MRC1: variants seen among roughly 807,000 people sequenced by gnomAD.
MRC1 encodes the protein mannose receptor C-type 1.
Under a neutral mutation model 102.9 loss-of-function variants are expected in MRC1, and 62 were observed. The ratio of observed to expected loss-of-function variants is 0.60; its 90% CI spans 0.49 to 0.74. The LOEUF (loss-of-function observed/expected upper bound fraction) is 0.74. MRC1 is among the 30% of genes least tolerant of loss of function. The probability of loss-of-function intolerance (pLI) is 0.00; values close to 1 mark genes in which losing one functional copy is unlikely to be tolerated. For missense variants in MRC1, 1,237 were observed against 862.8 expected (o/e 1.43, Z -5.43); for synonymous variants, 457 against 298.4 (o/e 1.53, Z -5.48).
At chr10:17,909,656 G>C (rs1240626806) in intron 29 of MRC1, among the ~76,000 whole-genome samples, 1 of 145,584 alleles carries the variant, frequency 6.9e-6, no homozygotes, top group Non-Finnish European at 1.5e-5. Flanking sequence ...TCTTTTCTTA[G>C]AATTTTTTTT....
chr10:17,902,201 A>G, intron 26 of MRC1, 79 bp downstream of exon 26: 1 of 685,954 alleles, frequency 1.5e-6, no homozygotes. Context: ...GAAATATACA[A>G]AGAATGTAAA....
At chr10:17,864,780 G>C (rs1298018584) in intron 11 of MRC1, among the ~76,000 whole-genome samples, 1 of 140,674 alleles carries the variant, frequency 7.1e-6, no homozygotes, top group East Asian at 2.2e-4. Context: ...AGTGAGTCGA[G>C]ATTGTGCCAT....
intron 5 of MRC1, among the ~76,000 whole-genome samples, chr10:17,844,653 A>G (rs1249472499): frequency 2.0e-5 from 3 of 152,170 alleles, no homozygotes; most frequent in African/African-American, 7.2e-5. Context: ...GAGGTTTGGG[A>G]TATAAATGAT....
At chr10:17,840,913 A>C in intron 5 of MRC1, 107 bp downstream of exon 5, 2 of 769,156 alleles carry the variant, frequency 2.6e-6, no homozygotes, top group East Asian at 4.9e-5. Flanking sequence ...GAATTGGGAG[A>C]CTTCATCAAA....
chr10:17,909,283 A>ATT, intron 28 of MRC1, 23 bp from the exon 29 acceptor site: 2 of 842,860 alleles, frequency 2.4e-6, no homozygotes, highest in African/African-American at 1.7e-5. Context: ...GGTTTTTATA[A>ATT]ATTTTTTTTT....
chr10:17,833,116 T>G (rs974126600), intron 3 of MRC1, among the ~76,000 whole-genome samples: 2 of 151,876 alleles, frequency 1.3e-5, no homozygotes, highest in African/African-American at 4.8e-5. Flanking sequence ...GTGCCTGCCT[T>G]TCTTTCTTTA....
At chr10:17,853,377 T>C (rs1266068895) in intron 8 of MRC1, among the ~76,000 whole-genome samples, 1 of 152,152 alleles carries the variant, frequency 6.6e-6, no homozygotes, top group Non-Finnish European at 1.5e-5. Flanking sequence ...CTGTAATGAA[T>C]ACTCATATTG....
chr10:17,841,909 A>C (rs1164132655), intron 5 of MRC1, among the ~76,000 whole-genome samples: 1 of 152,130 alleles, frequency 6.6e-6, no homozygotes, highest in African/African-American at 2.4e-5. Context: ...TTTTAAAGCC[A>C]TTGAGTGGTT....
chr10:17,907,710 G>A lies in MRC1; in HGVS notation c.4078+12G>A. On this transcript the variant is annotated intron_variant, in intron 28 of 29. Coordinates refer to ENST00000569591, the MANE Select transcript of MRC1 (RefSeq NM_002438.4). ...TAAAAGACCAAAAAGTAAGTAAGAA[G>A]TTTGTTGCATGGTGCATATCACTGG... 3.8e-6 allele frequency: 3 copies of A among 780,758 alleles called. No individual in the cohort carries two copies. The highest frequency in any genetic ancestry group is 2.4e-6 in the Non-Finnish European group (1 of 417,908). The allele number at this position is 780,758 out of a possible 1,614,324, so 48.4% of individuals were successfully genotyped here. A position where few individuals can be genotyped will look rare whatever the true frequency, so the allele number is the denominator to read the frequency against.
intron 9 of MRC1, among the ~76,000 whole-genome samples, chr10:17,857,672 C>T (rs1361373310): frequency 2.6e-5 from 4 of 152,192 alleles, no homozygotes; most frequent in Admixed American, 2.6e-4. Context: ...TGAGGCAGTG[C>T]TTTCCTTACC....
intron 4 of MRC1, among the ~76,000 whole-genome samples, chr10:17,834,473 C>T (rs1031690865): frequency 1.3e-4 from 20 of 152,240 alleles, no homozygotes; most frequent in Admixed American, 3.3e-4. Flanking sequence ...AGTGCAATGA[C>T]GCAATCTCAG....
In MRC1 at chr10:17,875,180, C is replaced by A. The variant is rs984029991; in HGVS notation, c.2477C>A (p.Ala826Glu). 5.1e-6 allele frequency: 4 copies of A among 780,780 alleles called. No individual in the cohort carries two copies. The South Asian group carries it at 5.4e-5, about 10-fold the overall frequency. 48.4% of individuals were successfully genotyped at this position (780,780 alleles called of 1,614,324 possible). The change falls in exon 17 of 30, where the codon GCG becomes GAG. Residue 826 changes from alanine to glutamate, a missense_variant. Physicochemically the swap from Ala to Glu is moderately radical, Grantham distance 107 (BLOSUM62 -1). Coordinates refer to ENST00000569591, the MANE Select transcript of MRC1 (RefSeq NM_002438.4). ...AAGGAAACCATGGACAATGCGCGAG[C>A]GTTTTGCAAGAGGAATTTTGGTGAT... ...KEKETMDNAR[A>E]FCKRNFGDLV...
At chr10:17,828,569 A>T (rs1448487234) in intron 3 of MRC1, among the ~76,000 whole-genome samples, 1 of 151,508 alleles carries the variant, frequency 6.6e-6, no homozygotes, top group Non-Finnish European at 1.5e-5. Flanking sequence ...ATGGAGAAAG[A>T]CGTGAAGGTC....
chr10:17,833,879 T>TTA, intron 4 of MRC1, 40 bp downstream of exon 4: 1 of 778,000 alleles, frequency 1.3e-6, no homozygotes, highest in South Asian at 1.3e-5. Flanking sequence ...CATGACTGCT[T>TTA]TATTTTTATA....
intron 10 of MRC1, among the ~76,000 whole-genome samples, chr10:17,863,235 A>C (rs967511199): frequency 1.9e-4 from 29 of 152,322 alleles, no homozygotes; most frequent in African/African-American, 6.7e-4. Flanking sequence ...TGTATTCTCA[A>C]AATTCTCTGA....
intron 10 of MRC1, among the ~76,000 whole-genome samples, chr10:17,861,845 T>A (rs2130661379): frequency 6.6e-6 from 1 of 152,276 alleles, no homozygotes; most frequent in South Asian, 2.1e-4. Context: ...TCACGTTATA[T>A]CTTTACCACT....
At chr10:17,897,207 A>C (rs1564626083) in intron 23 of MRC1, among the ~76,000 whole-genome samples, 1 of 152,342 alleles carries the variant, frequency 6.6e-6, no homozygotes, top group Non-Finnish European at 1.5e-5. Flanking sequence ...GTCAGATTTC[A>C]TCCTCTGGCT....
Position 17,910,645 on chromosome 10 carries a change from T to G in MRC1, c.*180T>G. 1 of 666,706 alleles carries G rather than the reference T, an allele frequency of 1.5e-6. No individual in the cohort carries two copies. Among genetic ancestry groups the G allele is most frequent in the East Asian group, 2.5e-5 (1 of 39,572 alleles). 41.3% of individuals were successfully genotyped at this position (666,706 alleles called of 1,614,324 possible). A position where few individuals can be genotyped will look rare whatever the true frequency, so the allele number is the denominator to read the frequency against. ...TTTCTAGCCTGGCAAGATATTTTCA[T>G]AAAAGAGGGATAACAATGCTGATTA... On this transcript the variant is annotated 3_prime_UTR_variant, in exon 30 of 30. Coordinates refer to ENST00000569591, the MANE Select transcript of MRC1 (RefSeq NM_002438.4).
chr10:17,849,567 T>G lies in MRC1; in HGVS notation c.1064-12T>G. 1.3e-6 allele frequency: 1 copy of G among 778,024 alleles called. No homozygotes were observed. The highest frequency in any genetic ancestry group is 2.4e-6 in the Non-Finnish European group (1 of 417,038). 48.2% of individuals were successfully genotyped at this position (778,024 alleles called of 1,614,324 possible). A position where few individuals can be genotyped will look rare whatever the true frequency, so the allele number is the denominator to read the frequency against. On this transcript the variant is annotated splice_polypyrimidine_tract_variant and intron_variant, in intron 6 of 29. Coordinates refer to ENST00000569591, the MANE Select transcript of MRC1 (RefSeq NM_002438.4). Reference sequence around the variant, plus strand: ...TTTAAAATTTTTTTCCGACCCCCCTTTTTGTTTCTAGAAAGTGATGTGCCT... The same window carrying G: ...TTTAAAATTTTTTTCCGACCCCCCTGTTTGTTTCTAGAAAGTGATGTGCCT...
Sources: gnomAD v4.1 joint callset for allele counts (sites outside exome capture counted in the v4.1 genomes callset) on GRCh38, gnomAD v4.1.1 for gene constraint, MANE v1.5 for transcripts, NCBI Gene and HGNC (gene_info 2026-07-23, HGNC 2026-07-21) for gene names.